SAMD5: variants seen among roughly 807,000 people sequenced by gnomAD.
SAMD5 encodes sterile alpha motif domain-containing protein 5.
Under a neutral mutation model 11.3 loss-of-function variants are expected in SAMD5, and 13 were observed. The observed-to-expected ratio is 1.15, with a 90% CI of 0.75 to 1.83. The LOEUF is 1.83. Among genes scored for constraint, SAMD5 ranks in the 40% most tolerant of loss-of-function variants. The probability of loss-of-function intolerance (pLI) is 0.00; values close to 1 mark genes in which losing one functional copy is unlikely to be tolerated. For missense variants in SAMD5, 255 were observed against 239.1 expected (o/e 1.07, Z -0.44); for synonymous variants, 129 against 111.3 (o/e 1.16, Z -1.00).
In SAMD5 at chr6:147,567,744, C is replaced by T; in HGVS notation, c.*3288C>T. 1 of 985,342 alleles carries T rather than the reference C, an allele frequency of 1.0e-6. No individual in the cohort carries two copies. The highest frequency in any genetic ancestry group is 1.2e-6 in the Non-Finnish European group (1 of 829,904). The allele number at this position is 985,342 out of a possible 1,614,324, so 61.0% of individuals were successfully genotyped here. A position where few individuals can be genotyped will look rare whatever the true frequency, so the allele number is the denominator to read the frequency against. Reference sequence around the variant, plus strand: ...AAACTCAGACATAAATTGACATTTCCTTATCATTGCCTGAAACCCACTGAA... The same window carrying T: ...AAACTCAGACATAAATTGACATTTCTTTATCATTGCCTGAAACCCACTGAA... On this transcript the variant is annotated 3_prime_UTR_variant, in exon 2 of 2. Coordinates refer to ENST00000367474, the MANE Select transcript of SAMD5 (RefSeq NM_001030060.3).
At chr6:147,617,551 G>T (rs1368832069) in intron 1 of SAMD5, among the ~76,000 whole-genome samples, 3 of 152,220 alleles carry the variant, frequency 2.0e-5, no homozygotes, top group African/African-American at 7.2e-5. Context: ...GCTTTAAATG[G>T]AAATTGCTGC....
chr6:147,519,583 G>T (rs1428301990), intron 1 of SAMD5, among the ~76,000 whole-genome samples: 1 of 152,114 alleles, frequency 6.6e-6, no homozygotes, highest in Admixed American at 6.5e-5. Context: ...AATTTTGTTT[G>T]CTCATTTTTA....
the SAMD5 span, among the ~76,000 whole-genome samples, chr6:147,947,993 C>G: frequency 4.1e-4 from 62 of 152,006 alleles, 3 homozygotes; most frequent in South Asian, 0.012. Context: ...TGTTCTCCTC[C>G]TCCTGTGTCA....
At chr6:147,733,458 A>G (rs540337753) in intron 1 of SAMD5, among the ~76,000 whole-genome samples, 2 of 151,198 alleles carry the variant, frequency 1.3e-5, no homozygotes, top group Non-Finnish European at 3.0e-5. Flanking sequence ...AAATAACGGC[A>G]TTGAAACAAC....
chr6:147,668,350 A>G (rs1306996171), intron 1 of SAMD5, among the ~76,000 whole-genome samples: 1 of 152,202 alleles, frequency 6.6e-6, no homozygotes, highest in Non-Finnish European at 1.5e-5. Flanking sequence ...ACTCTACCAC[A>G]TTGATTTCAT....
intron 1 of SAMD5, among the ~76,000 whole-genome samples, chr6:147,626,267 A>C (rs1360364401): frequency 2.6e-5 from 4 of 152,056 alleles, no homozygotes; most frequent in African/African-American, 9.7e-5. Context: ...GAGAAAATTA[A>C]ACTCCTGTTT....
the SAMD5 span, among the ~76,000 whole-genome samples, chr6:147,936,210 T>A: frequency 1.3e-5 from 2 of 152,186 alleles, no homozygotes; most frequent in Admixed American, 1.3e-4. Context: ...ATCTCCCTGG[T>A]CTGACTATTA....
At chr6:147,892,857 T>C in the SAMD5 span, among the ~76,000 whole-genome samples, 1 of 152,186 alleles carries the variant, frequency 6.6e-6, no homozygotes, top group Non-Finnish European at 1.5e-5. Flanking sequence ...AAAAAATAAT[T>C]GTAACTGTAG....
At chr6:147,522,703 C>T (rs988230589) in intron 1 of SAMD5, among the ~76,000 whole-genome samples, 23 of 152,262 alleles carry the variant, frequency 1.5e-4, no homozygotes, top group African/African-American at 5.3e-4. Flanking sequence ...TGTGTAATCA[C>T]TTCAATGGTT....
chr6:147,810,583 CT>C, the SAMD5 span, among the ~76,000 whole-genome samples: 1 of 152,168 alleles, frequency 6.6e-6, no homozygotes, highest in Non-Finnish European at 1.5e-5. Context: ...AAACATAGTG[CT>C]GAAGTGTTTA....
At chr6:147,733,898 A>G (rs1260145407) in intron 1 of SAMD5, 3 of 179,908 alleles carry the variant, frequency 1.7e-5, no homozygotes, top group African/African-American at 7.1e-5. Flanking sequence ...AGTGTTAACT[A>G]TGAGTTGAGT....
chr6:147,786,507 T>C, the SAMD5 span, among the ~76,000 whole-genome samples: 1 of 152,222 alleles, frequency 6.6e-6, no homozygotes, highest in Non-Finnish European at 1.5e-5. Flanking sequence ...TCAGAATATA[T>C]TGTGCATACC....
intron 1 of SAMD5, among the ~76,000 whole-genome samples, chr6:147,536,641 A>G (rs1280151724): frequency 6.6e-6 from 1 of 152,130 alleles, no homozygotes; most frequent in African/African-American, 2.4e-5. Context: ...GCAAGACAAA[A>G]TATCTGTGGA....
chr6:147,726,364 C>T (rs556018146), intron 1 of SAMD5, among the ~76,000 whole-genome samples: 27 of 152,240 alleles, frequency 1.8e-4, no homozygotes, highest in Middle Eastern at 3.4e-3. Context: ...ATGCAATTTA[C>T]GTATATTATT....
the SAMD5 span, among the ~76,000 whole-genome samples, chr6:147,828,183 C>A: frequency 2.6e-5 from 4 of 152,094 alleles, no homozygotes; most frequent in Admixed American, 6.5e-5. Flanking sequence ...AACTCCTGAT[C>A]ATTGCTCAAT....
the SAMD5 span, among the ~76,000 whole-genome samples, chr6:147,754,641 C>A: frequency 6.6e-6 from 1 of 152,040 alleles, no homozygotes; most frequent in Non-Finnish European, 1.5e-5. Context: ...TTGACCAGAC[C>A]AATGTCCTGG....
At chr6:147,905,987 C>T in the SAMD5 span, among the ~76,000 whole-genome samples, 1 of 152,264 alleles carries the variant, frequency 6.6e-6, no homozygotes, top group East Asian at 1.9e-4. Context: ...GCACCTGGTC[C>T]ACAGCGAGAT....
intron 1 of SAMD5, among the ~76,000 whole-genome samples, chr6:147,655,287 A>G (rs979878051): frequency 9.9e-5 from 15 of 152,210 alleles, no homozygotes; most frequent in Non-Finnish European, 1.6e-4. Flanking sequence ...CCTGCATGAC[A>G]GGAGAGATTT....
At chr6:147,838,531 G>GCCCCCCCCCCC in the SAMD5 span, among the ~76,000 whole-genome samples, 1 of 127,706 alleles carries the variant, frequency 7.8e-6, no homozygotes, top group Non-Finnish European at 1.6e-5. Context: ...AGAATATCCT[G>GCCCCCCCCCCC]CCCCCCCCCC....
Sources: allele counts gnomAD v4.1 joint callset (sites outside exome capture counted in the v4.1 genomes callset), GRCh38; gene constraint gnomAD v4.1.1; transcripts MANE v1.5; gene names NCBI Gene and HGNC (gene_info 2026-07-23, HGNC 2026-07-21).